PDE3B: variants seen among roughly 807,000 people sequenced by gnomAD.
PDE3B encodes the protein phosphodiesterase 3B, also known as cGMP-inhibited 3',5'-cyclic phosphodiesterase 3B.
In PDE3B, 66 loss-of-function variants were observed where a neutral mutation model predicts 116.8. The observed-to-expected ratio is 0.56, with a 90% CI of 0.46 to 0.69. The LOEUF (loss-of-function observed/expected upper bound fraction) is 0.69, where lower values mean the gene tolerates loss of function less well. Ranked by LOEUF, PDE3B falls within the 30% of genes least tolerant of loss-of-function variation. The pLI, the probability that PDE3B is intolerant of heterozygous loss-of-function variation, is 0.00. For missense variants in PDE3B, 1,384 were observed against 1,368.1 expected, an observed-to-expected ratio of 1.01 and a Z score of -0.18; for synonymous variants, 595 against 533.6, an observed-to-expected ratio of 1.12 and a Z score of -1.59.
At chr11:14,822,756 C>T (rs1232580367) in intron 7 of PDE3B, among the ~76,000 whole-genome samples, 1 of 152,142 alleles carries the variant, frequency 6.6e-6, no homozygotes, top group Non-Finnish European at 1.5e-5. Flanking sequence ...GAGGTTAGAC[C>T]CCCATACAGA....
At chr11:14,877,289 A>G in the PDE3B span, among the ~76,000 whole-genome samples, 1 of 152,148 alleles carries the variant, frequency 6.6e-6, no homozygotes, top group Non-Finnish European at 1.5e-5. Context: ...GGATTTGAAT[A>G]TAATTATCTT....
intron 12 of PDE3B, among the ~76,000 whole-genome samples, chr11:14,854,831 A>G (rs1216042549): frequency 2.6e-5 from 4 of 152,138 alleles, no homozygotes; most frequent in Admixed American, 6.5e-5. Flanking sequence ...TCATTTTTCT[A>G]TATACACAGA....
chr11:14,728,484 G>A (rs1856375667), intron 1 of PDE3B, among the ~76,000 whole-genome samples: 1 of 152,094 alleles, frequency 6.6e-6, no homozygotes, highest in African/African-American at 2.4e-5. Flanking sequence ...TACATTTTAT[G>A]TTCTAGGCAA....
chr11:14,786,573 C>T lies in PDE3B; in HGVS notation c.1166C>T (p.Ala389Val), dbSNP rs760969329. The T allele has an allele frequency of 6.2e-7, 1 of 1,613,260 alleles. No homozygotes were observed. Among genetic ancestry groups the T allele is most frequent in the Non-Finnish European group, 8.5e-7 (1 of 1,179,370 alleles). The change falls in exon 3 of 16, where the codon GCT becomes GTT. Residue 389 changes from alanine to valine, a missense_variant. Ala to Val is a moderately conservative substitution (Grantham distance 64). Around this residue, in one of 2 missense-constraint regions of PDE3B, gnomAD observed 956 missense variants for 806.8 expected, o/e 1.18. Coordinates refer to ENST00000282096, the MANE Select transcript of PDE3B (RefSeq NM_000922.4). ...CGGAGTATTAGTAGCTTAATGGGTG[C>T]TTTCTCAGGTTCCTGTAGGCCAAAG... is the stretch of plus-strand genomic sequence containing the variant. ...SLRSISSLMGAFSGSCRPKIN... is the reference protein window; with the variant it reads ...SLRSISSLMGVFSGSCRPKIN...
intron 1 of PDE3B, among the ~76,000 whole-genome samples, chr11:14,758,534 G>A (rs1857261672): frequency 6.7e-6 from 1 of 148,866 alleles, no homozygotes; most frequent in African/African-American, 2.5e-5. Context: ...CTTGTAAGTT[G>A]GATTCCTAGG....
At chr11:14,850,501 A>T (rs548845132) in intron 12 of PDE3B, among the ~76,000 whole-genome samples, 44 of 149,698 alleles carry the variant, frequency 2.9e-4, no homozygotes, top group African/African-American at 4.2e-4. Context: ...TAATAAAATT[A>T]AAAAAAAAAG....
intron 4 of PDE3B, among the ~76,000 whole-genome samples, chr11:14,793,661 G>A (rs1323899222): frequency 6.6e-6 from 1 of 151,998 alleles, no homozygotes; most frequent in Non-Finnish European, 1.5e-5. Flanking sequence ...TTTTCCCTGG[G>A]GAAAAAAATA....
chr11:14,772,654 GAAT>G (rs1262424752), intron 2 of PDE3B: 2 of 151,740 alleles, frequency 1.3e-5, no homozygotes, highest in Non-Finnish European at 2.9e-5. Context: ...TACACAAATG[GAAT>G]AATATGTGTA....
the PDE3B span, among the ~76,000 whole-genome samples, chr11:14,889,638 C>A: frequency 1.3e-5 from 2 of 152,072 alleles, no homozygotes; most frequent in African/African-American, 4.8e-5. Flanking sequence ...ACAGTGGTAC[C>A]AGCAATAAAA....
At chr11:14,893,411 A>G in the PDE3B span, among the ~76,000 whole-genome samples, 5 of 152,324 alleles carry the variant, frequency 3.3e-5, no homozygotes, top group South Asian at 6.2e-4. Context: ...TTTGTTTCCT[A>G]CTACTGTTGT....
In PDE3B at chr11:14,843,842, T is replaced by C; in HGVS notation, c.2336T>C (p.Ile779Thr). ...TGTTTCTCAGATTCTGATGGTAGAA[T>C]TAACCATGGGCGAATTGCTTATATT... is the stretch of plus-strand genomic sequence containing the variant. ...TGNETDSDGRINHGRIAYISS... is the reference protein window; with the variant it reads ...TGNETDSDGRTNHGRIAYISS... The change falls in exon 12 of 16, where the codon ATT becomes ACT. Residue 779 changes from isoleucine (I) to threonine (T), a missense_variant. By Grantham distance (89) the Ile-to-Thr change is moderately conservative. Around this residue, in one of 2 missense-constraint regions of PDE3B, gnomAD observed 428 missense variants for 561.4 expected, o/e 0.76. Transcript: ENST00000282096. 6.2e-7 allele frequency: 1 copy of C among 1,613,802 alleles called. No individual in the cohort carries two copies. The highest frequency in any genetic ancestry group is 8.5e-7 in the Non-Finnish European group (1 of 1,179,654).
At chr11:14,665,446 G>C (rs1026825727) in intron 1 of PDE3B, among the ~76,000 whole-genome samples, 1 of 152,104 alleles carries the variant, frequency 6.6e-6, no homozygotes. Flanking sequence ...GGAAATAAAG[G>C]GTATTCAATT....
intron 1 of PDE3B, among the ~76,000 whole-genome samples, chr11:14,664,335 C>A (rs1417784846): frequency 2.0e-5 from 3 of 151,644 alleles, no homozygotes; most frequent in Admixed American, 6.6e-5. Flanking sequence ...AAATTGACAC[C>A]CTAATATCAC....
intron 1 of PDE3B, among the ~76,000 whole-genome samples, chr11:14,721,520 G>A (rs377473145): frequency 5.9e-4 from 89 of 151,654 alleles, no homozygotes; most frequent in East Asian, 9.7e-4. Flanking sequence ...ACTTGGAACC[G>A]ACCCAAATGT....
chr11:14,879,441 G>A, the PDE3B span: 2 of 1,598,628 alleles, frequency 1.3e-6, no homozygotes, highest in South Asian at 1.1e-5. Context: ...TTCTGAACTT[G>A]TCCTGTCAGA....
chr11:14,678,172 T>G (rs556034302), intron 1 of PDE3B, among the ~76,000 whole-genome samples: 5 of 152,162 alleles, frequency 3.3e-5, no homozygotes, highest in Non-Finnish European at 7.4e-5. Context: ...GTTATTCACT[T>G]GTCTTAGCCT....
intron 5 of PDE3B, among the ~76,000 whole-genome samples, chr11:14,810,100 T>C (rs1744869275): frequency 6.6e-6 from 1 of 152,136 alleles, no homozygotes; most frequent in Admixed American, 6.5e-5. Flanking sequence ...CATATAAGAT[T>C]CAGAAAGTTT....
At chr11:14,884,960 G>T in the PDE3B span, among the ~76,000 whole-genome samples, 2 of 151,642 alleles carry the variant, frequency 1.3e-5, no homozygotes, top group African/African-American at 4.8e-5. Flanking sequence ...TTATACTCTG[G>T]CCTGAGAATT....
At chr11:14,691,680 TTAGTGGAAGAG>T (rs1199046767) in intron 1 of PDE3B, among the ~76,000 whole-genome samples, 1 of 152,118 alleles carries the variant, frequency 6.6e-6, no homozygotes, top group Non-Finnish European at 1.5e-5. Flanking sequence ...AATTTACATT[TTAGTGGAAGAG>T]ACAGAATATA....
Sources: allele counts gnomAD v4.1 joint callset (sites outside exome capture counted in the v4.1 genomes callset), GRCh38; gene constraint gnomAD v4.1.1; regional missense constraint gnomAD v4.1.1; transcripts MANE v1.5; gene names NCBI Gene and HGNC (gene_info 2026-07-23, HGNC 2026-07-21).